Variants in NLGN1 observed in about 807,000 individuals in gnomAD.
NLGN1 encodes the protein neuroligin 1, also known as neuroligin-1.
NLGN1 carries 12 observed loss-of-function variants against 65.5 expected under a neutral mutation model. That is an observed-to-expected ratio of 0.18 (90% CI 0.12 to 0.30). The LOEUF is 0.30. Among genes scored for constraint, NLGN1 ranks in the 10% least tolerant of loss-of-function variants. NLGN1 has a pLI of 1.00. For missense variants in NLGN1, 750 were observed against 1,007.1 expected, an observed-to-expected ratio of 0.74 and a Z score of 3.46; for synonymous variants, 350 against 359.5, an observed-to-expected ratio of 0.97 and a Z score of 0.30.
At chr3:174,247,584 C>T (rs1744034162) in intron 4 of NLGN1, among the ~76,000 whole-genome samples, 1 of 152,214 alleles carries the variant, frequency 6.6e-6, no homozygotes, top group East Asian at 1.9e-4. Flanking sequence ...TCTGTCCAAT[C>T]CTTTAACTTT....
At chr3:173,577,329 T>C (rs748687095) in intron 2 of NLGN1, among the ~76,000 whole-genome samples, 1 of 152,248 alleles carries the variant, frequency 6.6e-6, no homozygotes, top group Non-Finnish European at 1.5e-5. Flanking sequence ...TCTATCCTCA[T>C]AGTCTATTTT....
At chr3:173,551,690 G>C (rs1451328246) in intron 2 of NLGN1, among the ~76,000 whole-genome samples, 1 of 152,174 alleles carries the variant, frequency 6.6e-6, no homozygotes, top group Non-Finnish European at 1.5e-5. Flanking sequence ...TCAAAGGCAG[G>C]CAGGGTTGCA....
intron 3 of NLGN1, among the ~76,000 whole-genome samples, chr3:173,622,872 A>G (rs1754225702): frequency 6.6e-6 from 1 of 152,146 alleles, no homozygotes; most frequent in Non-Finnish European, 1.5e-5. Flanking sequence ...AACTGACCCA[A>G]TTACTAAACA....
At chr3:173,481,019 G>T (rs1241822938) in intron 2 of NLGN1, among the ~76,000 whole-genome samples, 1 of 151,952 alleles carries the variant, frequency 6.6e-6, no homozygotes, top group Non-Finnish European at 1.5e-5. Context: ...TCACAAATAT[G>T]CCTTTAGATA....
chr3:173,646,106 G>A (rs976279661), intron 3 of NLGN1, among the ~76,000 whole-genome samples: 1 of 152,102 alleles, frequency 6.6e-6, no homozygotes, highest in Non-Finnish European at 1.5e-5. Context: ...CCCGTGGTAT[G>A]TGGTCTCTTC....
intron 2 of NLGN1, among the ~76,000 whole-genome samples, chr3:173,498,365 C>T (rs1252417894): frequency 6.6e-6 from 1 of 151,722 alleles, no homozygotes; most frequent in Non-Finnish European, 1.5e-5. Flanking sequence ...TCATCCATGT[C>T]CCTACAAAGG....
chr3:174,219,338 TC>T (rs1419249565), intron 4 of NLGN1, among the ~76,000 whole-genome samples: 2 of 152,088 alleles, frequency 1.3e-5, no homozygotes, highest in Non-Finnish European at 2.9e-5. Context: ...AACTTTCCAG[TC>T]CTCAGTATCT....
intron 4 of NLGN1, among the ~76,000 whole-genome samples, chr3:173,860,761 A>T (rs1408400567): frequency 6.6e-6 from 1 of 152,240 alleles, no homozygotes; most frequent in Non-Finnish European, 1.5e-5. Context: ...TTAATTCATC[A>T]TAACCTTATT....
intron 4 of NLGN1, among the ~76,000 whole-genome samples, chr3:174,104,794 G>T (rs1713351380): frequency 6.6e-6 from 1 of 152,102 alleles, no homozygotes; most frequent in Non-Finnish European, 1.5e-5. Context: ...AGTCAGCAGG[G>T]TTAGGGTTAA....
intron 3 of NLGN1, among the ~76,000 whole-genome samples, chr3:173,757,025 T>C (rs1050322502): frequency 2.0e-5 from 3 of 152,030 alleles, no homozygotes; most frequent in Non-Finnish European, 4.4e-5. Flanking sequence ...GACTCCATTT[T>C]CTAAACATTG....
chr3:173,636,663 T>G (rs1261247135), intron 3 of NLGN1, among the ~76,000 whole-genome samples: 5 of 152,118 alleles, frequency 3.3e-5, no homozygotes, highest in Non-Finnish European at 7.4e-5. Flanking sequence ...TATTTTAAAC[T>G]TTTTGTCCAC....
chr3:173,594,694 G>A lies in NLGN1; in HGVS notation c.-320-9585G>A, dbSNP rs184339594. On this transcript the variant is annotated intron_variant, in intron 2 of 6. Coordinates refer to ENST00000457714, the Ensembl canonical transcript of NLGN1. The stretch of plus-strand genomic sequence containing the variant: ...ATTTTGCTTCCACACTGCCTTAGCA[G>A]AGGTTCTCCATGAGTGCCCCGCTGC... Among the ~76,000 whole-genome samples the A allele has an allele frequency of 3.4e-3, 521 of 152,348 alleles. 1 individual carries two copies. The highest frequency in any genetic ancestry group is 5.3e-3 in the Non-Finnish European group (363 of 68,040).
intron 3 of NLGN1, among the ~76,000 whole-genome samples, chr3:173,754,024 C>CTTTTTTTT (rs71162358): frequency 9.9e-5 from 12 of 121,610 alleles, no homozygotes; most frequent in African/African-American, 1.2e-4. Flanking sequence ...TCTTTCTTTT[C>CTTTTTTTT]TTTTTTTTTT....
intron 4 of NLGN1, among the ~76,000 whole-genome samples, chr3:174,250,721 T>C (rs975817626): frequency 6.6e-6 from 1 of 151,904 alleles, no homozygotes; most frequent in African/African-American, 2.4e-5. Context: ...CATTCTTTAC[T>C]TCTGATCATA....
intron 3 of NLGN1, among the ~76,000 whole-genome samples, chr3:173,665,682 A>G (rs1227290018): frequency 1.3e-5 from 2 of 152,214 alleles, no homozygotes; most frequent in East Asian, 1.9e-4. Context: ...AGTTGCTAGG[A>G]CAACATAAAA....
chr3:173,415,904 T>TATATATATATATAGAGAG (rs1380777305), intron 1 of NLGN1, among the ~76,000 whole-genome samples: 1 of 125,440 alleles, frequency 8.0e-6, no homozygotes, highest in African/African-American at 3.3e-5. Flanking sequence ...TATATATATA[T>TATATATATATATAGAGAG]AGAGAGAGAG....
intron 3 of NLGN1, among the ~76,000 whole-genome samples, chr3:173,702,067 G>A (rs905176241): frequency 4.6e-5 from 7 of 151,628 alleles, no homozygotes; most frequent in Middle Eastern, 6.8e-3. Context: ...GTGAAACCCC[G>A]TCTCTACTAA....
the NLGN1 span, among the ~76,000 whole-genome samples, chr3:174,293,439 G>A: frequency 2.6e-5 from 4 of 151,228 alleles, no homozygotes; most frequent in South Asian, 2.1e-4. Context: ...GAAAGGACCC[G>A]CCAACTGCCC....
At chr3:173,662,230 C>T (rs1761029007) in intron 3 of NLGN1, among the ~76,000 whole-genome samples, 1 of 152,000 alleles carries the variant, frequency 6.6e-6, no homozygotes, top group Non-Finnish European at 1.5e-5. Context: ...GCCAAATAGG[C>T]CCTTACAGAG....
Sources: gnomAD v4.1 joint callset for allele counts (sites outside exome capture counted in the v4.1 genomes callset) on GRCh38, gnomAD v4.1.1 for gene constraint, MANE v1.5 for transcripts, NCBI Gene and HGNC (gene_info 2026-07-23, HGNC 2026-07-21) for gene names.